Variants in DAPK2 observed in about 807,000 individuals in gnomAD.
The protein encoded by DAPK2 is death-associated protein kinase 2.
A neutral mutation model predicts 44.1 loss-of-function variants in DAPK2; 35 were observed. The observed-to-expected ratio is 0.79, with a 90% confidence interval of 0.61 to 1.05. DAPK2 has a LOEUF of 1.05. DAPK2 is among the 50% of genes least tolerant of loss of function. DAPK2 has a pLI of 0.00. For missense variants in DAPK2, 453 were observed against 483.2 expected (o/e 0.94, Z 0.59); for synonymous variants, 174 against 182.6 (o/e 0.95, Z 0.38).
intron 1 of DAPK2, among the ~76,000 whole-genome samples, chr15:64,015,558 C>A (rs2079503127): frequency 6.6e-6 from 1 of 152,156 alleles, no homozygotes; most frequent in Admixed American, 6.5e-5. Flanking sequence ...TATTCTAACC[C>A]CTGGCACATG....
intron 10 of DAPK2, chr15:63,911,120 G>C (rs2078776080): frequency 6.5e-6 from 1 of 153,428 alleles, no homozygotes; most frequent in African/African-American, 2.4e-5. Flanking sequence ...TCAGGAGGCT[G>C]ACGCAGGAGA....
intron 8 of DAPK2, among the ~76,000 whole-genome samples, chr15:63,915,851 C>T (rs1296420831): frequency 1.3e-5 from 2 of 152,236 alleles, no homozygotes; most frequent in African/African-American, 4.8e-5. Flanking sequence ...ATGCTGACAT[C>T]TCAGCCTGGA....
rs528437666 is a variant in DAPK2, at chr15:63,992,703, T to C, written c.93-8949A>G. Among the ~76,000 whole-genome samples the C allele has an allele frequency of 1.4e-4, 22 of 152,334 alleles. No homozygotes were observed. The East Asian group carries it at 4.2e-3, about 29-fold the overall frequency. On this transcript the variant is annotated intron_variant, in intron 1 of 10. Transcript: ENST00000261891. ...TACATCAGGAAGCTGAACCTGCCCT[T>C]TCCTTTCCTCCTTGTGGGAGCACAG...
At chr15:64,036,328 T>TATAC (rs1186792279) in intron 1 of DAPK2, among the ~76,000 whole-genome samples, 46 of 123,334 alleles carry the variant, frequency 3.7e-4, no homozygotes, top group African/African-American at 1.2e-3. Flanking sequence ...TGTATATATA[T>TATAC]ATATATATAC....
At position 63,990,336 on chromosome 15, in the gene DAPK2, A is replaced by T. The variant is rs1333116556; in HGVS notation, c.93-6582T>A. The stretch of plus-strand genomic sequence containing the variant: ...CCCAACTACTCGAAGGGTGAAGCAC[A>T]ATAATTGTTTGAACCTGGGAGGTGG... On this transcript the variant is annotated intron_variant, in intron 1 of 10. Coordinates refer to ENST00000261891, the Ensembl canonical transcript of DAPK2. The surrounding 1 kb of genome is among the most constrained non-coding windows in gnomAD (Gnocchi z 4.3). Among the ~76,000 whole-genome samples the T allele has an allele frequency of 6.6e-6, 1 of 152,072 alleles. No homozygotes were observed. The highest frequency in any genetic ancestry group is 2.4e-5 in the African/African-American group (1 of 41,410).
At chr15:63,994,578 C>A (rs957906140) in intron 1 of DAPK2, among the ~76,000 whole-genome samples, 2 of 129,308 alleles carry the variant, frequency 1.5e-5, no homozygotes, top group African/African-American at 5.8e-5. Context: ...ATACTGAAAT[C>A]TTTTTTACTT....
chr15:64,032,224 GAAT>G (rs2080036357), intron 1 of DAPK2, among the ~76,000 whole-genome samples: 1 of 152,192 alleles, frequency 6.6e-6, no homozygotes, highest in Non-Finnish European at 1.5e-5. Flanking sequence ...ACGTGGTCCA[GAAT>G]AAGAGGGAAT....
intron 8 of DAPK2, chr15:63,921,818 T>C (rs1174620030): frequency 6.6e-6 from 1 of 152,166 alleles, no homozygotes; most frequent in Non-Finnish European, 1.5e-5. Flanking sequence ...ACTCCTTCCT[T>C]CCTTCTCTCC....
At chr15:63,914,615 T>C (rs999464532) in intron 8 of DAPK2, among the ~76,000 whole-genome samples, 2 of 152,132 alleles carry the variant, frequency 1.3e-5, no homozygotes, top group African/African-American at 4.8e-5. Flanking sequence ...CCCTGTGCCC[T>C]CTATACATCC....
At chr15:64,018,074 C>T (rs1196165099) in intron 1 of DAPK2, among the ~76,000 whole-genome samples, 1 of 152,198 alleles carries the variant, frequency 6.6e-6, no homozygotes, top group Non-Finnish European at 1.5e-5. Flanking sequence ...TTTAAAAACA[C>T]CACACACCAC....
At chr15:63,940,252 A>G (rs1191364775) in intron 3 of DAPK2, among the ~76,000 whole-genome samples, 4 of 152,160 alleles carry the variant, frequency 2.6e-5, no homozygotes, top group African/African-American at 7.2e-5. Context: ...ACATCCACAC[A>G]AAATATGTAT....
intron 4 of DAPK2, among the ~76,000 whole-genome samples, chr15:63,936,654 G>C (rs868061263): frequency 3.3e-5 from 5 of 151,702 alleles, no homozygotes; most frequent in African/African-American, 1.2e-4. Flanking sequence ...TGTGAGACCA[G>C]AATTTCATGA....
intron 8 of DAPK2, chr15:63,924,420 G>C: frequency 6.0e-6 from 1 of 167,190 alleles, no homozygotes; most frequent in South Asian, 1.6e-4. Flanking sequence ...CAGAAGGAAG[G>C]AGGCCTGGTC....
At chr15:63,982,383 G>GT (rs1463926599) in intron 2 of DAPK2, among the ~76,000 whole-genome samples, 1 of 151,932 alleles carries the variant, frequency 6.6e-6, no homozygotes, top group African/African-American at 2.4e-5. Context: ...TAGAGATGGG[G>GT]TTTCACCATG....
intron 1 of DAPK2, among the ~76,000 whole-genome samples, chr15:64,034,908 C>T (rs2080134558): frequency 6.6e-6 from 1 of 152,186 alleles, no homozygotes; most frequent in African/African-American, 2.4e-5. Flanking sequence ...TGGCTCACTC[C>T]TGTAATCCCA....
intron 1 of DAPK2, among the ~76,000 whole-genome samples, chr15:64,006,433 A>G (rs560572107): frequency 1.3e-5 from 2 of 152,282 alleles, no homozygotes; most frequent in African/African-American, 4.8e-5. Context: ...AGTATATGTC[A>G]GCCCTTGGCA....
chr15:63,923,006 T>C lies in DAPK2; in HGVS notation c.858+1810A>G. On this transcript the variant is annotated intron_variant, in intron 8 of 10. Transcript: ENST00000261891. The surrounding 1 kb of genome is among the most constrained non-coding windows in gnomAD (Gnocchi z 4.2). The stretch of plus-strand genomic sequence containing the variant: ...CTGGATGTCTTCTCGCAGCAGCTTC[T>C]TCAATGACTCCACCTTGCGGAACTC... 1.3e-6 allele frequency: 2 copies of C among 1,535,896 alleles called. No homozygotes were observed. Among genetic ancestry groups the C allele is most frequent in the South Asian group, 1.2e-5 (1 of 84,044 alleles).
intron 1 of DAPK2, among the ~76,000 whole-genome samples, chr15:64,027,359 G>A (rs1268234014): frequency 6.6e-6 from 1 of 152,006 alleles, no homozygotes; most frequent in Non-Finnish European, 1.5e-5. Context: ...ACTCCAGACT[G>A]GGCAACAGAG....
At chr15:63,935,764 G>A (rs1321504405) in intron 4 of DAPK2, 5 of 151,988 alleles carry the variant, frequency 3.3e-5, no homozygotes, top group Non-Finnish European at 5.9e-5. Flanking sequence ...AGAGATCTAT[G>A]ATAAGTTTTC....
Sources: allele counts gnomAD v4.1 joint callset (sites outside exome capture counted in the v4.1 genomes callset), GRCh38; gene constraint gnomAD v4.1.1; non-coding constraint Gnocchi (gnomAD v3.1); transcripts MANE v1.5; gene names NCBI Gene and HGNC (gene_info 2026-07-23, HGNC 2026-07-21).